The following INTS6 variants were observed in gnomAD, a reference collection of about 807,000 sequenced individuals.
INTS6 encodes DEAD box protein.
A neutral mutation model predicts 104.9 loss-of-function variants in INTS6; 16 were observed. The observed-to-expected ratio is 0.15, with a 90% confidence interval of 0.10 to 0.23. INTS6 has a LOEUF of 0.23. INTS6 is among the 10% of genes least tolerant of loss of function. The pLI is 1.00. For synonymous variants in INTS6, 324 were observed against 358.7 expected (o/e 0.90, Z 1.09); for missense variants, 584 against 1,062.8 (o/e 0.55, Z 6.26).
At chr13:51,418,374 A>G (rs1956832567) in intron 4 of INTS6, among the ~76,000 whole-genome samples, 1 of 152,186 alleles carries the variant, frequency 6.6e-6, no homozygotes, top group African/African-American at 2.4e-5. Flanking sequence ...TTTCCTTGAA[A>G]AAAAAAAATC....
At chr13:51,411,687 T>C (rs1430095788) in intron 4 of INTS6, among the ~76,000 whole-genome samples, 1 of 152,208 alleles carries the variant, frequency 6.6e-6, no homozygotes, top group Non-Finnish European at 1.5e-5. Context: ...TGGAAAGACG[T>C]AGAGTAACTA....
rs1955974443 is a variant in INTS6 at position 51,378,300 on chromosome 13, T to G, written c.1541A>C (p.His514Pro). 3.1e-6 allele frequency: 5 copies of G among 1,613,406 alleles called. No homozygotes were observed. Among genetic ancestry groups the G allele is most frequent in the Non-Finnish European group, 4.2e-6 (5 of 1,179,536 alleles). ...CTTCATATTAAGGTCTAGCAGTCTG[T>G]GAGGGACATCCTCTGAAATTCCCTG... is the stretch of plus-strand genomic sequence containing the variant. ...LLQGISEDVP[H>P]RLLDLNMKEY... is the part of the protein sequence containing the mutation. Residue 514 changes from histidine to proline, a missense_variant, in exon 12 of 18, where the codon CAC becomes CCC. Physicochemically the swap from His to Pro is moderately conservative, Grantham distance 77. Around this residue, in one of 5 missense-constraint regions of INTS6, gnomAD observed 74 missense variants for 64.4 expected, o/e 1.15. Coordinates refer to ENST00000311234, the MANE Select transcript of INTS6 (RefSeq NM_012141.3).
chr13:51,365,953 G>A, intron 17 of INTS6, 108 bp from the exon 18 acceptor site: 1 of 568,064 alleles, frequency 1.8e-6, no homozygotes, highest in Non-Finnish European at 3.1e-6. Context: ...TTTTCAAAGT[G>A]AAATGAAAAT....
At chr13:51,442,733 G>A (rs1268006269) in intron 3 of INTS6, 1 of 152,164 alleles carries the variant, frequency 6.6e-6, no homozygotes, top group Admixed American at 6.5e-5. Flanking sequence ...TCTAGGTTAT[G>A]CGCTCCTATG....
intron 4 of INTS6, among the ~76,000 whole-genome samples, chr13:51,419,092 A>G (rs925174582): frequency 6.6e-6 from 1 of 152,098 alleles, no homozygotes; most frequent in Non-Finnish European, 1.5e-5. Flanking sequence ...GCATGTCACA[A>G]TTCATTCCTT....
chr13:51,393,290 C>T (rs1419412046), intron 5 of INTS6, among the ~76,000 whole-genome samples: 1 of 152,120 alleles, frequency 6.6e-6, no homozygotes, highest in Admixed American at 6.6e-5. Flanking sequence ...GTTGGCCAGG[C>T]TGGTCTCAAA....
downstream of INTS6, chr13:51,361,447 A>C (rs1249645608): frequency 3.5e-6 from 3 of 867,862 alleles, no homozygotes; most frequent in African/African-American, 3.4e-5. Flanking sequence ...CACACTTCTG[A>C]ATCTTTCCAT....
the INTS6 span, among the ~76,000 whole-genome samples, chr13:51,338,946 TA>T: frequency 6.6e-6 from 1 of 152,246 alleles, no homozygotes; most frequent in African/African-American, 2.4e-5. Context: ...ATTTTGAACT[TA>T]ATACAAGGCC....
At chr13:51,408,971 C>T (rs1956630517) in intron 4 of INTS6, among the ~76,000 whole-genome samples, 1 of 152,126 alleles carries the variant, frequency 6.6e-6, no homozygotes, top group Non-Finnish European at 1.5e-5. Context: ...ATCTAGGCAG[C>T]TGCATATCCC....
At chr13:51,450,644 C>G (rs1283463366) in intron 3 of INTS6, 3 of 988,022 alleles carry the variant, frequency 3.0e-6, no homozygotes, top group Non-Finnish European at 1.2e-6. Flanking sequence ...AACATCTTTA[C>G]TAATATAGAA....
chr13:51,347,964 C>G, the INTS6 span, among the ~76,000 whole-genome samples: 21 of 152,226 alleles, frequency 1.4e-4, no homozygotes, highest in African/African-American at 4.3e-4. Context: ...CGTCCCCCCC[C>G]CCATACCCAG....
intron 15 of INTS6, among the ~76,000 whole-genome samples, chr13:51,370,199 C>T (rs1955777061): frequency 6.6e-6 from 1 of 152,190 alleles, no homozygotes; most frequent in South Asian, 2.1e-4. Flanking sequence ...TAACTGAAAC[C>T]CAGCTCTCCT....
intron 4 of INTS6, among the ~76,000 whole-genome samples, chr13:51,429,783 A>AAAC (rs1957055147): frequency 8.1e-6 from 1 of 122,844 alleles, no homozygotes; most frequent in Non-Finnish European, 1.6e-5. Flanking sequence ...AAAAAAAAAA[A>AAAC]AAATATATAT....
At chr13:51,411,800 C>G (rs1290875025) in intron 4 of INTS6, among the ~76,000 whole-genome samples, 2 of 151,768 alleles carry the variant, frequency 1.3e-5, no homozygotes, top group African/African-American at 4.8e-5. Context: ...TCATATGACC[C>G]ACCAATTATG....
At chr13:51,390,505 T>C (rs907174109) in intron 5 of INTS6, among the ~76,000 whole-genome samples, 1 of 152,146 alleles carries the variant, frequency 6.6e-6, no homozygotes. Context: ...ACTAAAAACC[T>C]TGACAGCTAA....
chr13:51,399,894 T>G (rs1956405867), intron 4 of INTS6, among the ~76,000 whole-genome samples: 1 of 152,228 alleles, frequency 6.6e-6, no homozygotes, highest in Admixed American at 6.5e-5. Flanking sequence ...CTCTTATTGA[T>G]TTGGAGGATT....
At chr13:51,377,899 T>C (rs1436323237) in intron 12 of INTS6, among the ~76,000 whole-genome samples, 3 of 152,222 alleles carry the variant, frequency 2.0e-5, no homozygotes, top group Admixed American at 6.5e-5. Context: ...CAAAGCATTT[T>C]TGGATCATGC....
chr13:51,404,103 C>CACACACAGAG lies in INTS6; in HGVS notation c.430-8621_430-8620insCTCTGTGTGT, dbSNP rs1491389220. 6.8e-3 allele frequency among the ~76,000 whole-genome samples: 707 copies of CACACACAGAG among 103,894 alleles called. 11 individuals are homozygous for CACACACAGAG. The highest frequency in any genetic ancestry group is 0.021 in the African/African-American group (544 of 25,370). The allele number at this position is 103,894 out of a possible 152,430, so 68.2% of individuals were successfully genotyped here. ...ACACACACACACACACACACACACA[C>CACACACAGAG]AGAGAGAGAGAGAGAGAGAGACAAC... On this transcript the variant is annotated intron_variant, in intron 4 of 17. Transcript: ENST00000311234.
intron 4 of INTS6, among the ~76,000 whole-genome samples, chr13:51,405,316 G>A (rs1261899376): frequency 6.6e-6 from 1 of 152,156 alleles, no homozygotes; most frequent in East Asian, 1.9e-4. Context: ...TAGGGAGATA[G>A]AGAAATAACG....
Sources: gnomAD v4.1 joint callset for allele counts (sites outside exome capture counted in the v4.1 genomes callset) on GRCh38, gnomAD v4.1.1 for gene constraint, gnomAD v4.1.1 regional missense constraint, MANE v1.5 for transcripts, NCBI Gene and HGNC (gene_info 2026-07-23, HGNC 2026-07-21) for gene names.